The following STXBP4 variants were observed in gnomAD, a reference collection of about 807,000 sequenced individuals.
The protein encoded by STXBP4 is syntaxin binding protein 4.
In STXBP4, 55 loss-of-function variants were observed where a neutral mutation model predicts 76.1. The ratio of observed to expected loss-of-function variants is 0.72; its 90% CI spans 0.58 to 0.91. The LOEUF (loss-of-function observed/expected upper bound fraction) is 0.91, where lower values mean the gene tolerates loss of function less well. Among genes scored for constraint, STXBP4 ranks in the 40% least tolerant of loss-of-function variants. STXBP4 has a pLI of 0.00. For missense variants in STXBP4, 618 were observed against 636.9 expected (o/e 0.97, Z 0.32); for synonymous variants, 201 against 220.2 (o/e 0.91, Z 0.77).
intron 16 of STXBP4, among the ~76,000 whole-genome samples, chr17:55,113,259 ACACG>A (rs1312634196): frequency 1.4e-5 from 2 of 142,968 alleles, no homozygotes; most frequent in East Asian, 4.1e-4. Context: ...ACACACACAC[ACACG>A]AGGTAGCTAT....
intron 12 of STXBP4, among the ~76,000 whole-genome samples, chr17:55,053,924 A>G (rs772564836): frequency 5.9e-5 from 9 of 152,128 alleles, no homozygotes; most frequent in South Asian, 2.1e-4. Context: ...AATATCAGCC[A>G]TGATTGATAA....
In STXBP4 at chr17:55,081,125, G is replaced by A. The variant is rs375534401; in HGVS notation, c.1431G>A (p.Thr477=). ...GGAATGGACGTAGCATCCCAGCAAC[G>A]CTGGCGCTTGAATCTAAGGAACTTG... ...LGRNGRSIPA[T]LALESKELVK... Residue 477 remains threonine, a synonymous_variant, in exon 16 of 18, where the codon ACG becomes ACA. Transcript: ENST00000376352. 22 of 1,554,082 alleles carry A rather than the reference G, an allele frequency of 1.4e-5. No individual in the cohort carries two copies. The highest frequency in any genetic ancestry group is 9.9e-5 in the African/African-American group (7 of 71,026).
chr17:55,168,945 G>T lies in STXBP4; in HGVS notation c.*9034G>T, dbSNP rs1690920883. On this transcript the variant is annotated 3_prime_UTR_variant, in exon 18 of 18. Coordinates refer to ENST00000376352, the MANE Select transcript of STXBP4 (RefSeq NM_178509.6). The stretch of plus-strand genomic sequence containing the variant: ...CTCAATAGTCCTTAAATGGTTTATT[G>T]ACCAAAAAGTAAAGAAGTAACAGTC... 1 of 152,050 alleles carries T rather than the reference G, an allele frequency of 6.6e-6. No individual in the cohort carries two copies. Among genetic ancestry groups the T allele is most frequent in the Non-Finnish European group, 1.5e-5 (1 of 68,030 alleles). The allele number at this position is 152,050 out of a possible 1,614,324, so 9.4% of individuals were successfully genotyped here.
intron 10 of STXBP4, among the ~76,000 whole-genome samples, chr17:55,039,691 T>C (rs1204059543): frequency 6.6e-6 from 1 of 151,908 alleles, no homozygotes; most frequent in Non-Finnish European, 1.5e-5. Flanking sequence ...ATGTCATCAG[T>C]AGGACTTGCT....
At position 55,170,504 on chromosome 17, in the gene STXBP4, A is replaced by G. The variant is rs1213962581; in HGVS notation, c.*10593A>G. On this transcript the variant is annotated 3_prime_UTR_variant, in exon 18 of 18. Transcript: ENST00000376352. ...ATTATATTTTTCTGCATACTACTCTACAGTGAGCCTGTCCTTTATAAGAAA... is the reference window on the plus strand; with the variant it reads ...ATTATATTTTTCTGCATACTACTCTGCAGTGAGCCTGTCCTTTATAAGAAA... The G allele has an allele frequency of 1.3e-5, 2 of 152,190 alleles. No individual in the cohort carries two copies. The highest frequency in any genetic ancestry group is 3.8e-4 in the East Asian group (2 of 5,198). The allele number at this position is 152,190 out of a possible 1,614,324, so 9.4% of individuals were successfully genotyped here. A position where few individuals can be genotyped will look rare whatever the true frequency, so the allele number is the denominator to read the frequency against.
rs375822562 is a variant in STXBP4 at position 55,081,119 on chromosome 17, A to G, written c.1425A>G (p.Pro475=). ...TPLGRNGRSI[P]ATLALESKEL... The stretch of plus-strand genomic sequence containing the variant: ...TGGGAAGGAATGGACGTAGCATCCC[A>G]GCAACGCTGGCGCTTGAATCTAAGG... Residue 475 remains proline (P), a synonymous_variant, in exon 16 of 18, where the codon CCA becomes CCG. Transcript: ENST00000376352. 5.8e-6 allele frequency: 9 copies of G among 1,557,512 alleles called. No individual in the cohort carries two copies. Among genetic ancestry groups the G allele is most frequent in the Non-Finnish European group, 7.8e-6 (9 of 1,155,808 alleles).
At chr17:55,212,174 G>C in the STXBP4 span, among the ~76,000 whole-genome samples, 1 of 152,160 alleles carries the variant, frequency 6.6e-6, no homozygotes, top group South Asian at 2.1e-4. Flanking sequence ...TAAAGTAAGA[G>C]TTCAAATCTA....
the STXBP4 span, among the ~76,000 whole-genome samples, chr17:55,180,619 C>T: frequency 1.3e-5 from 2 of 152,210 alleles, no homozygotes; most frequent in African/African-American, 4.8e-5. Context: ...AGGCAACCAA[C>T]TCTACAATCA....
chr17:55,155,169 T>G (rs2080262636), intron 17 of STXBP4, among the ~76,000 whole-genome samples: 1 of 152,148 alleles, frequency 6.6e-6, no homozygotes. Context: ...AATTTTCTCT[T>G]AAACATATTT....
the STXBP4 span, among the ~76,000 whole-genome samples, chr17:55,193,828 A>AC: frequency 6.7e-6 from 1 of 149,766 alleles, no homozygotes; most frequent in South Asian, 2.1e-4. Flanking sequence ...AAAAAAAAAA[A>AC]AAAAAACGTA....
intron 12 of STXBP4, among the ~76,000 whole-genome samples, chr17:55,071,109 T>A (rs978687662): frequency 1.1e-4 from 17 of 152,156 alleles, no homozygotes; most frequent in African/African-American, 4.1e-4. Context: ...CTTTTTCTTC[T>A]CCCTGCTTCC....
chr17:55,097,625 T>C (rs964169706), intron 16 of STXBP4, among the ~76,000 whole-genome samples: 27 of 151,276 alleles, frequency 1.8e-4, no homozygotes, highest in Admixed American at 1.4e-3. Context: ...GTTGTGCCAC[T>C]GCACTCCAGC....
chr17:55,045,697 G>A (rs918582650), intron 11 of STXBP4, among the ~76,000 whole-genome samples: 3 of 151,866 alleles, frequency 2.0e-5, no homozygotes, highest in African/African-American at 7.3e-5. Flanking sequence ...CAGATAAGCC[G>A]GCAACCAGCT....
At chr17:55,118,991 A>AC (rs2079813865) in intron 16 of STXBP4, among the ~76,000 whole-genome samples, 1 of 150,824 alleles carries the variant, frequency 6.6e-6, no homozygotes, top group Non-Finnish European at 1.5e-5. Context: ...GTTCTAGGTT[A>AC]CATGTGCACA....
At chr17:55,129,619 A>G (rs1480409947) in intron 16 of STXBP4, among the ~76,000 whole-genome samples, 1 of 152,154 alleles carries the variant, frequency 6.6e-6, no homozygotes, top group Non-Finnish European at 1.5e-5. Flanking sequence ...GGAGGAAGGA[A>G]GGAATCCTAA....
chr17:55,045,492 T>C (rs1338025234), intron 11 of STXBP4, among the ~76,000 whole-genome samples: 1 of 152,116 alleles, frequency 6.6e-6, no homozygotes, highest in East Asian at 1.9e-4. Context: ...TTATCATTGT[T>C]AACTTTAGTG....
Position 55,023,059 on chromosome 17 carries a change from AACTT to A in STXBP4, c.667-8106_667-8103del, listed in dbSNP as rs143141896. On this transcript the variant is annotated intron_variant, in intron 8 of 17. Coordinates refer to ENST00000376352, the MANE Select transcript of STXBP4 (RefSeq NM_178509.6). ...TTGCCTAGTAACAACTAAATGGCAT[AACTT>A]ACAGCCATAAATGTTTAACTTGGAG... Among the ~76,000 whole-genome samples the A allele has an allele frequency of 7.0e-3, 1,061 of 152,352 alleles. 12 individuals carry two copies. Among genetic ancestry groups the A allele is most frequent in the African/African-American group, 0.024 (1,002 of 41,578 alleles).
the STXBP4 span, among the ~76,000 whole-genome samples, chr17:55,211,164 C>T: frequency 1.9e-4 from 29 of 152,278 alleles, no homozygotes; most frequent in South Asian, 1.9e-3. Flanking sequence ...TCACTCCACC[C>T]GCACCAGCCT....
chr17:54,988,255 C>A (rs1365452906), intron 3 of STXBP4, among the ~76,000 whole-genome samples: 2 of 152,080 alleles, frequency 1.3e-5, no homozygotes, highest in East Asian at 3.9e-4. Flanking sequence ...CAGCAATAAA[C>A]TGCTGTGTTA....
Sources: allele counts gnomAD v4.1 joint callset (sites outside exome capture counted in the v4.1 genomes callset), GRCh38; gene constraint gnomAD v4.1.1; transcripts MANE v1.5; gene names NCBI Gene and HGNC (gene_info 2026-07-23, HGNC 2026-07-21).